Variants in CFH observed in about 807,000 individuals in gnomAD.
The protein encoded by CFH is H factor 1 (complement).
CFH carries 53 observed loss-of-function variants against 147.3 expected under a neutral mutation model. The observed-to-expected ratio is 0.36, with a 90% CI of 0.29 to 0.45. CFH has a LOEUF of 0.45. CFH is among the 20% of genes least tolerant of loss of function. The pLI is 1.00. For missense variants in CFH, 1,380 were observed against 1,498.0 expected (o/e 0.92, Z 1.30); for synonymous variants, 536 against 489.4 (o/e 1.10, Z -1.26).
At chr1:196,664,591 G>A (rs1231411999) in intron 1 of CFH, among the ~76,000 whole-genome samples, 1 of 152,172 alleles carries the variant, frequency 6.6e-6, no homozygotes, top group Non-Finnish European at 1.5e-5. Flanking sequence ...AAAACAAGCA[G>A]CGATTGGATT....
chr1:196,731,647 G>T (rs1181168057), intron 15 of CFH, among the ~76,000 whole-genome samples: 1 of 151,850 alleles, frequency 6.6e-6, no homozygotes, highest in East Asian at 1.9e-4. Flanking sequence ...TCACCTTCAA[G>T]AACTCCCTTT....
chr1:196,697,207 A>G (rs1227901543), intron 9 of CFH, among the ~76,000 whole-genome samples: 2 of 152,214 alleles, frequency 1.3e-5, no homozygotes, highest in Non-Finnish European at 2.9e-5. Flanking sequence ...CTACCATCAG[A>G]GTGAACAGGC....
At position 196,731,611 on chromosome 1, in the gene CFH, A is replaced by G. The variant is rs181477448; in HGVS notation, c.2413+3089A>G. Among the ~76,000 whole-genome samples, 22 of 152,032 alleles carry G rather than the reference A, an allele frequency of 1.4e-4. No individual in the cohort carries two copies. The East Asian group carries it at 4.3e-3, about 29-fold the overall frequency. On this transcript the variant is annotated intron_variant, in intron 15 of 21. Coordinates refer to ENST00000367429, the MANE Select transcript of CFH (RefSeq NM_000186.4). ...GTAAGTTTTATACTTTAACATCTTC[A>G]TGTTACTAATTAGCATCCTCTTCTT...
At chr1:196,738,103 A>T (rs1056268959) in intron 17 of CFH, among the ~76,000 whole-genome samples, 5 of 152,164 alleles carry the variant, frequency 3.3e-5, no homozygotes, top group Admixed American at 3.3e-4. Context: ...AAACCATTAG[A>T]TCTCATGAAA....
intron 9 of CFH, among the ~76,000 whole-genome samples, chr1:196,697,342 G>A (rs1248540015): frequency 5.9e-5 from 9 of 152,166 alleles, no homozygotes; most frequent in Non-Finnish European, 1.3e-4. Flanking sequence ...AAAAGTGGGT[G>A]AAGGATATGA....
At chr1:196,695,577 A>T (rs747325629) in intron 9 of CFH, among the ~76,000 whole-genome samples, 7 of 150,530 alleles carry the variant, frequency 4.7e-5, no homozygotes, top group Non-Finnish European at 7.5e-5. Flanking sequence ...ATAGCATTGT[A>T]TGTATCAACT....
Position 196,689,845 on chromosome 1 carries a change from CTATT to C in CFH, c.1160-217_1160-214del, listed in dbSNP as rs1454711603. ...GAGAATATCTATATAATTTATACATCTATTAATTATAAAAACTAAAGATAAGTAA... is the reference window on the plus strand; with the variant it reads ...GAGAATATCTATATAATTTATACATCAATTATAAAAACTAAAGATAAGTAA... On this transcript the variant is annotated intron_variant, in intron 8 of 21. Coordinates refer to ENST00000367429, the MANE Select transcript of CFH (RefSeq NM_000186.4). 2.6e-5 allele frequency among the ~76,000 whole-genome samples: 4 copies of C among 151,986 alleles called. No homozygotes were observed. In the South Asian group the frequency reaches 6.2e-4, roughly 24 times the overall value.
Position 196,685,172 on chromosome 1 carries a change from C to T in CFH, c.899C>T (p.Pro300Leu), listed in dbSNP as rs368640238. ...TACCAGTGTAGAAATGGTTTTTATC[C>T]TGCAACCCGGGGAAATACAGCAAAA... Reference protein sequence around the residue: ...ITYQCRNGFYPATRGNTAKCT... With the variant: ...ITYQCRNGFYLATRGNTAKCT... The change falls in exon 7 of 22, where the codon CCT becomes CTT. Residue 300 changes from proline to leucine, a missense_variant. This residue lies in a region of CFH where 167 missense variants were observed against 228.0 expected (regional missense o/e 0.73). Coordinates refer to ENST00000367429, the MANE Select transcript of CFH (RefSeq NM_000186.4). 6.2e-7 allele frequency: 1 copy of T among 1,613,010 alleles called. No homozygotes were observed. The highest frequency in any genetic ancestry group is 8.5e-7 in the Non-Finnish European group (1 of 1,179,388).
At chr1:196,725,387 C>T in intron 12 of CFH, 90 bp downstream of exon 12, 1 of 1,248,046 alleles carries the variant, frequency 8.0e-7, no homozygotes, top group Non-Finnish European at 1.2e-6. Flanking sequence ...CTCCCATTGC[C>T]TGTAATCTAA....
At chr1:196,656,990 GTTTT>G (rs1666723514) in intron 1 of CFH, among the ~76,000 whole-genome samples, 1 of 151,782 alleles carries the variant, frequency 6.6e-6, no homozygotes. Context: ...TTGTTTGTTT[GTTTT>G]GAGACAGGAT....
At chr1:196,736,774 TA>T in intron 15 of CFH, 49 bp from the exon 16 acceptor site, 1 of 937,666 alleles carries the variant, frequency 1.1e-6, no homozygotes, top group Non-Finnish European at 1.4e-6. Context: ...TTAATATTTT[TA>T]TTTTTTATTT....
At chr1:196,714,668 T>TATATATATAG (rs1362376856) in intron 10 of CFH, among the ~76,000 whole-genome samples, 7 of 21,300 alleles carry the variant, frequency 3.3e-4, no homozygotes, top group Admixed American at 1.6e-3. Context: ...TATATATATA[T>TATATATATAG]AGAGAGAGAG....
At chr1:196,737,066 G>C in intron 16 of CFH, 60 bp downstream of exon 16, 1 of 1,406,984 alleles carries the variant, frequency 7.1e-7, no homozygotes, top group Admixed American at 1.8e-5. Flanking sequence ...ATTCTCTTGT[G>C]CTTCGTGTAA....
chr1:196,704,611 C>T (rs561051712), intron 9 of CFH, among the ~76,000 whole-genome samples: 18 of 152,322 alleles, frequency 1.2e-4, no homozygotes, highest in Non-Finnish European at 2.5e-4. Flanking sequence ...AAAACAAAAA[C>T]TGCATCTCCA....
intron 7 of CFH, among the ~76,000 whole-genome samples, chr1:196,688,765 C>T (rs1192137059): frequency 1.3e-5 from 2 of 152,040 alleles, no homozygotes; most frequent in Non-Finnish European, 2.9e-5. Context: ...GGCGCACCAC[C>T]AGGCCCGGCT....
intron 11 of CFH, among the ~76,000 whole-genome samples, chr1:196,718,851 T>C (rs1573058697): frequency 1.3e-5 from 2 of 152,108 alleles, no homozygotes; most frequent in South Asian, 4.1e-4. Flanking sequence ...TTTGAACACA[T>C]AACTAGGAAT....
chr1:196,710,802 G>T (rs1236783171), intron 9 of CFH, among the ~76,000 whole-genome samples: 1 of 151,634 alleles, frequency 6.6e-6, no homozygotes, highest in Non-Finnish European at 1.5e-5. Context: ...TAAGCATACA[G>T]ATCCTGTATT....
intron 15 of CFH, among the ~76,000 whole-genome samples, chr1:196,733,306 G>T (rs985062726): frequency 6.6e-6 from 1 of 152,054 alleles, no homozygotes; most frequent in Non-Finnish European, 1.5e-5. Context: ...AATGGAAATT[G>T]AACTTTCTCT....
chr1:196,724,606 GC>G (rs1558177998), intron 11 of CFH, among the ~76,000 whole-genome samples: 1 of 151,954 alleles, frequency 6.6e-6, no homozygotes, highest in East Asian at 1.9e-4. Flanking sequence ...CCATGCTTTG[GC>G]TTCTCTCCAT....
Sources: gnomAD v4.1 joint callset for allele counts (sites outside exome capture counted in the v4.1 genomes callset) on GRCh38, gnomAD v4.1.1 for gene constraint, gnomAD v4.1.1 regional missense constraint, MANE v1.5 for transcripts, NCBI Gene and HGNC (gene_info 2026-07-23, HGNC 2026-07-21) for gene names.